CLSTN2: variants seen among roughly 807,000 people sequenced by gnomAD.
CLSTN2 encodes the protein calsyntenin-2.
CLSTN2 carries 48 observed loss-of-function variants against 101.2 expected under a neutral mutation model. The ratio of observed to expected loss-of-function variants is 0.47; its 90% CI spans 0.38 to 0.60. The LOEUF is 0.60. CLSTN2 is among the 20% of genes least tolerant of loss of function. The probability of loss-of-function intolerance (pLI) is 0.00; values close to 1 mark genes in which losing one functional copy is unlikely to be tolerated. For synonymous variants in CLSTN2, 481 were observed against 463.6 expected (o/e 1.04, Z -0.48); for missense variants, 1,160 against 1,238.2 (o/e 0.94, Z 0.95).
chr3:140,122,005 T>G (rs2009348809), intron 1 of CLSTN2, among the ~76,000 whole-genome samples: 1 of 152,084 alleles, frequency 6.6e-6, no homozygotes, highest in South Asian at 2.1e-4. Context: ...CAGTAATAGC[T>G]TTAGGGGGAG....
intron 1 of CLSTN2, among the ~76,000 whole-genome samples, chr3:140,002,076 A>G (rs2006853033): frequency 6.6e-6 from 1 of 152,174 alleles, no homozygotes. Context: ...CAGTGCTGCA[A>G]TAAACTTGGG....
intron 2 of CLSTN2, among the ~76,000 whole-genome samples, chr3:140,201,103 CAG>C (rs1345630559): frequency 6.6e-6 from 1 of 152,192 alleles, no homozygotes; most frequent in Non-Finnish European, 1.5e-5. Flanking sequence ...ATGAACGTGA[CAG>C]AGGCCCTGCC....
chr3:140,105,774 C>T (rs1018728635), intron 1 of CLSTN2, among the ~76,000 whole-genome samples: 2 of 152,180 alleles, frequency 1.3e-5, no homozygotes, highest in African/African-American at 2.4e-5. Flanking sequence ...AGGACAAGCA[C>T]CTCAGCCTCA....
At chr3:140,064,756 T>A (rs1314783693) in intron 1 of CLSTN2, among the ~76,000 whole-genome samples, 8 of 152,150 alleles carry the variant, frequency 5.3e-5, no homozygotes, top group Non-Finnish European at 1.5e-5. Context: ...ACATTAGAAT[T>A]TATAAGTGAA....
intron 1 of CLSTN2, among the ~76,000 whole-genome samples, chr3:140,091,655 C>T (rs753635606): frequency 3.3e-5 from 5 of 152,132 alleles, no homozygotes; most frequent in East Asian, 1.9e-4. Context: ...ATGCAGAAGG[C>T]GTGGGCCATC....
intron 2 of CLSTN2, among the ~76,000 whole-genome samples, chr3:140,178,816 T>C (rs1156792390): frequency 6.6e-6 from 1 of 152,216 alleles, no homozygotes; most frequent in East Asian, 1.9e-4. Flanking sequence ...CGAAGTCAAC[T>C]GAAGCTTTTA....
chr3:140,379,589 C>A (rs543358757), intron 2 of CLSTN2, among the ~76,000 whole-genome samples: 1 of 152,286 alleles, frequency 6.6e-6, no homozygotes, highest in Non-Finnish European at 1.5e-5. Context: ...GGGAAGGGAA[C>A]ATGGGAGGCT....
At chr3:140,255,233 G>A (rs2086595423) in intron 2 of CLSTN2, among the ~76,000 whole-genome samples, 1 of 152,162 alleles carries the variant, frequency 6.6e-6, no homozygotes, top group South Asian at 2.1e-4. Context: ...ATCGTGGAAA[G>A]CAGTTTGGAG....
Position 140,570,970 on chromosome 3 carries a change from G to A in CLSTN2, c.*4717G>A, listed in dbSNP as rs10935387. On this transcript the variant is annotated 3_prime_UTR_variant, in exon 17 of 17. Coordinates refer to ENST00000458420, the MANE Select transcript of CLSTN2 (RefSeq NM_022131.3). ...CTGTTTTAAAAGTCCATGTTCCGGG[G>A]GAAAACAAAAAAGAAACAAACAAAA... The A allele has an allele frequency of 0.54, 82,103 of 152,144 alleles. 25,215 individuals carry two copies. The highest frequency in any genetic ancestry group is 0.73 in the Middle Eastern group (215 of 294). The allele number at this position is 152,144 out of a possible 1,614,324, so 9.4% of individuals were successfully genotyped here.
At chr3:140,259,496 A>G (rs1025209175) in intron 2 of CLSTN2, among the ~76,000 whole-genome samples, 45 of 152,268 alleles carry the variant, frequency 3.0e-4, no homozygotes, top group African/African-American at 9.1e-4. Context: ...CAAAACAAAA[A>G]AAGCTGCACA....
chr3:140,462,578 A>T (rs1002510033), intron 7 of CLSTN2: 23 of 152,230 alleles, frequency 1.5e-4, no homozygotes, highest in Non-Finnish European at 4.4e-5. Flanking sequence ...CTGTTCCATT[A>T]TAAATTATTT....
chr3:140,555,814 T>C (rs1033734032), intron 10 of CLSTN2, among the ~76,000 whole-genome samples: 1 of 152,164 alleles, frequency 6.6e-6, no homozygotes, highest in African/African-American at 2.4e-5. Context: ...TATGTCCAGC[T>C]TGAGTACCCA....
chr3:140,499,870 C>G (rs1934539323), intron 8 of CLSTN2, among the ~76,000 whole-genome samples: 1 of 152,122 alleles, frequency 6.6e-6, no homozygotes, highest in South Asian at 2.1e-4. Context: ...CGAGACCATC[C>G]TGGCTAACAC....
chr3:140,274,217 A>G (rs9853327), intron 2 of CLSTN2, among the ~76,000 whole-genome samples: 12,565 of 152,156 alleles, frequency 0.083, 697 homozygotes, highest in East Asian at 0.18. Context: ...GAAAGGCCAC[A>G]TGGGTTAACA....
In CLSTN2 at chr3:140,566,222, T is replaced by A; in HGVS notation, c.2837T>A (p.Leu946Gln). ...CAGAATGGAGCCAGGCAAGCCCAGCTGGAGTGGGATGACTCCACCCTCCCC... is the reference window on the plus strand; with the variant it reads ...CAGAATGGAGCCAGGCAAGCCCAGCAGGAGTGGGATGACTCCACCCTCCCC... ...HGQNGARQAQLEWDDSTLPY is the reference protein window; with the variant it reads ...HGQNGARQAQQEWDDSTLPY The change falls in exon 17 of 17, where the codon CTG becomes CAG. Residue 946 changes from leucine to glutamine, a missense_variant. Physicochemically the swap from Leu to Gln is moderately radical, Grantham distance 113. Transcript: ENST00000458420. 6.3e-7 allele frequency: 1 copy of A among 1,583,132 alleles called. No individual in the cohort carries two copies. Among genetic ancestry groups the A allele is most frequent in the Non-Finnish European group, 8.6e-7 (1 of 1,164,060 alleles).
intron 1 of CLSTN2, among the ~76,000 whole-genome samples, chr3:139,987,891 A>G (rs1936053474): frequency 6.6e-6 from 1 of 152,218 alleles, no homozygotes; most frequent in African/African-American, 2.4e-5. Flanking sequence ...TTCTTGTATA[A>G]CAGCTGCCAC....
chr3:140,199,065 G>A (rs2010685131), intron 2 of CLSTN2, among the ~76,000 whole-genome samples: 1 of 152,180 alleles, frequency 6.6e-6, no homozygotes, highest in African/African-American at 2.4e-5. Flanking sequence ...TTCTAACTCT[G>A]AGCCTTTCTC....
chr3:140,482,272 C>A (rs191849204), intron 8 of CLSTN2, among the ~76,000 whole-genome samples: 12 of 152,262 alleles, frequency 7.9e-5, no homozygotes, highest in African/African-American at 2.9e-4. Context: ...GTATGTTGAT[C>A]CAGCCTTGCA....
chr3:140,204,882 A>G (rs1029204427), intron 2 of CLSTN2, among the ~76,000 whole-genome samples: 1 of 152,172 alleles, frequency 6.6e-6, no homozygotes, highest in African/African-American at 2.4e-5. Context: ...TTCTGGCTAT[A>G]TGAGGCCACT....
Sources: gnomAD v4.1 joint callset for allele counts (sites outside exome capture counted in the v4.1 genomes callset) on GRCh38, gnomAD v4.1.1 for gene constraint, MANE v1.5 for transcripts, NCBI Gene and HGNC (gene_info 2026-07-23, HGNC 2026-07-21) for gene names.